SLC9C1: variants seen among roughly 807,000 people sequenced by gnomAD.
The protein encoded by SLC9C1 is sodium/hydrogen exchanger 10.
SLC9C1 carries 97 observed loss-of-function variants against 140.9 expected under a neutral mutation model. The ratio of observed to expected loss-of-function variants is 0.69; its 90% CI spans 0.58 to 0.82. SLC9C1 has a LOEUF of 0.82. SLC9C1 is among the 40% of genes least tolerant of loss of function. SLC9C1 has a pLI of 0.00. For missense variants in SLC9C1, 1,340 were observed against 1,389.3 expected, an observed-to-expected ratio of 0.96 and a Z score of 0.56; for synonymous variants, 440 against 442.6, an observed-to-expected ratio of 0.99 and a Z score of 0.07.
chr3:112,275,161 T>C, intron 5 of SLC9C1, 136 bp from the exon 6 acceptor site: 2 of 884,372 alleles, frequency 2.3e-6, no homozygotes, highest in Non-Finnish European at 3.1e-6. Context: ...GTTTAGACAA[T>C]CATAATTGGC....
At chr3:112,198,848 G>A (rs1454251219) in intron 20 of SLC9C1, among the ~76,000 whole-genome samples, 1 of 151,544 alleles carries the variant, frequency 6.6e-6, no homozygotes, top group Non-Finnish European at 1.5e-5. Flanking sequence ...TCCAATTTTG[G>A]TGTCAAGTTT....
chr3:112,217,655 T>C, intron 14 of SLC9C1, 94 bp from the exon 15 acceptor site: 2 of 1,159,388 alleles, frequency 1.7e-6, no homozygotes, highest in Non-Finnish European at 1.2e-6. Flanking sequence ...TAAGTTTAAT[T>C]TTGCACAAAA....
intron 13 of SLC9C1, among the ~76,000 whole-genome samples, chr3:112,225,521 AAAAG>A (rs1364553767): frequency 3.8e-5 from 5 of 132,936 alleles, no homozygotes; most frequent in Admixed American, 2.5e-4. Context: ...ATAAACAAAC[AAAAG>A]GAAATACACA....
At chr3:112,281,417 G>A (rs1162263940) in intron 2 of SLC9C1, among the ~76,000 whole-genome samples, 1 of 152,176 alleles carries the variant, frequency 6.6e-6, no homozygotes, top group Non-Finnish European at 1.5e-5. Flanking sequence ...CCGATGTGGA[G>A]ATAATGGGGA....
chr3:112,148,685 A>T (rs1366811563), intron 28 of SLC9C1, among the ~76,000 whole-genome samples: 2 of 152,208 alleles, frequency 1.3e-5, no homozygotes, highest in Non-Finnish European at 2.9e-5. Context: ...GTTTACTGGC[A>T]GAAACTATTG....
At chr3:112,271,353 T>C (rs909480487) in intron 6 of SLC9C1, among the ~76,000 whole-genome samples, 1 of 145,578 alleles carries the variant, frequency 6.9e-6, no homozygotes, top group Non-Finnish European at 1.5e-5. Context: ...TATAGTTAAA[T>C]GAGGTGACGT....
At position 112,169,080 on chromosome 3, in the gene SLC9C1, A is replaced by G. The variant is rs552373722; in HGVS notation, c.3052-18T>C. 1 of 1,575,828 alleles carries G rather than the reference A, an allele frequency of 6.3e-7. No individual in the cohort carries two copies. Among genetic ancestry groups the G allele is most frequent in the South Asian group, 1.2e-5 (1 of 82,896 alleles). ...TTCCAATCCTGTTTTAGAAAACACA[A>G]TTTCAGTCTATTATTAGTCTATGAA... On this transcript the variant is annotated intron_variant, in intron 24 of 28. Coordinates refer to ENST00000305815, the MANE Select transcript of SLC9C1 (RefSeq NM_183061.3).
Position 112,273,025 on chromosome 3 carries a change from A to T in SLC9C1, c.613+1872T>A, listed in dbSNP as rs2080118032. Among the ~76,000 whole-genome samples the T allele has an allele frequency of 2.0e-5, 3 of 152,282 alleles. No individual in the cohort carries two copies. In the South Asian group the frequency reaches 6.2e-4, roughly 32 times the overall value. On this transcript the variant is annotated intron_variant, in intron 6 of 28. Coordinates refer to ENST00000305815, the MANE Select transcript of SLC9C1 (RefSeq NM_183061.3). ...TAAGTTTCCCTGAAAATCCGTGGTC[A>T]GTATATAATATCTTAAATAAAGCCT...
At chr3:112,161,796 A>G (rs926385278) in intron 26 of SLC9C1, among the ~76,000 whole-genome samples, 3 of 151,412 alleles carry the variant, frequency 2.0e-5, no homozygotes, top group African/African-American at 7.3e-5. Flanking sequence ...AGTTTTTCCA[A>G]TTCTGTGAAG....
At chr3:112,233,052 T>C (rs7641770) in intron 12 of SLC9C1, among the ~76,000 whole-genome samples, 2,769 of 30,084 alleles carry the variant, frequency 0.092, 73 homozygotes, top group East Asian at 0.26. Flanking sequence ...CACACACACA[T>C]ATATATATAT....
At chr3:112,269,479 GA>G (rs2080012554) in intron 7 of SLC9C1, among the ~76,000 whole-genome samples, 1 of 152,118 alleles carries the variant, frequency 6.6e-6, no homozygotes, top group Non-Finnish European at 1.5e-5. Context: ...AAATTTTATT[GA>G]AATGTTCTTC....
chr3:112,195,492 T>C lies in SLC9C1; in HGVS notation c.2523+3829A>G, dbSNP rs185878067. On this transcript the variant is annotated intron_variant, in intron 20 of 28. Coordinates refer to ENST00000305815, the MANE Select transcript of SLC9C1 (RefSeq NM_183061.3). ...AACTTACTTCTGTCATTTTGCTGTA[T>C]TTTTTTTGTATAGCTTTTCTAAATA... Among the ~76,000 whole-genome samples the C allele has an allele frequency of 5.1e-4, 77 of 151,954 alleles. 3 individuals carry two copies. In the East Asian group the frequency reaches 0.012, roughly 24 times the overall value.
Position 112,180,504 on chromosome 3 carries a change from C to G in SLC9C1, c.2748+60G>C, listed in dbSNP as rs531309625. On this transcript the variant is annotated intron_variant, in intron 22 of 28. Coordinates refer to ENST00000305815, the MANE Select transcript of SLC9C1 (RefSeq NM_183061.3). ...TGCCATTGCACTCCAGCTTGGGCAA[C>G]AAGAGAGAAACTCTGTCTCAAAACA... 49 of 1,403,752 alleles carry G rather than the reference C, an allele frequency of 3.5e-5. No homozygotes were observed. The South Asian group carries it at 6.1e-4, about 18-fold the overall frequency. The allele number at this position is 1,403,752 out of a possible 1,614,324, so 87.0% of individuals were successfully genotyped here.
chr3:112,280,891 T>G (rs1387540985), intron 2 of SLC9C1, 108 bp from the exon 3 acceptor site: 3 of 954,928 alleles, frequency 3.1e-6, no homozygotes, highest in African/African-American at 1.7e-5. Flanking sequence ...GTTTCACTAC[T>G]TTTCATGAGT....
Position 112,241,286 on chromosome 3 carries a change from AC to A in SLC9C1, c.1280-1281del, listed in dbSNP as rs534813655. 1.4e-4 allele frequency among the ~76,000 whole-genome samples: 21 copies of A among 152,246 alleles called. No individual in the cohort carries two copies. In the South Asian group the frequency reaches 4.4e-3, roughly 32 times the overall value. ...ATGCCTGTACCAAAACATCTCGGGT[AC>A]CCCACAAACATATACACCTACTATG... On this transcript the variant is annotated intron_variant, in intron 11 of 28. Transcript: ENST00000305815.
intron 26 of SLC9C1, among the ~76,000 whole-genome samples, chr3:112,164,958 G>A (rs62277473): frequency 7.0e-6 from 1 of 143,610 alleles, no homozygotes; most frequent in Non-Finnish European, 1.5e-5. Flanking sequence ...TTTCTTGGAG[G>A]CTTTATTCAT....
chr3:112,227,221 G>C (rs559789419), intron 13 of SLC9C1, among the ~76,000 whole-genome samples: 2 of 152,146 alleles, frequency 1.3e-5, no homozygotes, highest in East Asian at 3.9e-4. Context: ...GAAAGGGAAG[G>C]AATTCTTCCA....
Position 112,262,967 on chromosome 3 carries a change from G to A in SLC9C1, c.1154C>T (p.Ala385Val). The A allele has an allele frequency of 6.3e-7, 1 of 1,597,368 alleles. No homozygotes were observed. The highest frequency in any genetic ancestry group is 8.5e-7 in the Non-Finnish European group (1 of 1,174,112). The change falls in exon 10 of 29, where the codon GCC becomes GTC. Residue 385 changes from alanine to valine, a missense_variant. By Grantham distance (64) the Ala-to-Val change is moderately conservative. Coordinates refer to ENST00000305815, the MANE Select transcript of SLC9C1 (RefSeq NM_183061.3). ...AGATCCAAAATAAAGATCAGAGTAGGCAAGCAGAAGGGCCATGTTTATATT... is the reference window on the plus strand; with the variant it reads ...AGATCCAAAATAAAGATCAGAGTAGACAAGCAGAAGGGCCATGTTTATATT... The part of the protein sequence containing the change: ...MPNINMALLL[A>V]YSDLYFGSDK...
intron 6 of SLC9C1, among the ~76,000 whole-genome samples, chr3:112,274,580 A>G (rs912837796): frequency 8.5e-5 from 13 of 152,180 alleles, no homozygotes; most frequent in African/African-American, 3.1e-4. Context: ...TATTTGGCTT[A>G]TCTTCTAAGC....
Sources: gnomAD v4.1 joint callset for allele counts (sites outside exome capture counted in the v4.1 genomes callset) on GRCh38, gnomAD v4.1.1 for gene constraint, MANE v1.5 for transcripts, NCBI Gene and HGNC (gene_info 2026-07-23, HGNC 2026-07-21) for gene names.